TRPC7: variants seen among roughly 807,000 people sequenced by gnomAD.
The protein encoded by TRPC7 is short transient receptor potential channel 7.
In TRPC7, 42 loss-of-function variants were observed where a neutral mutation model predicts 90.1. The ratio of observed to expected loss-of-function variants is 0.47; its 90% CI spans 0.36 to 0.60. The LOEUF (loss-of-function observed/expected upper bound fraction) is 0.60. Among genes scored for constraint, TRPC7 ranks in the 20% least tolerant of loss-of-function variants. The pLI is 0.00. For missense variants in TRPC7, 955 were observed against 1,112.3 expected (o/e 0.86, Z 2.01); for synonymous variants, 451 against 436.3 (o/e 1.03, Z -0.42).
chr5:136,359,793 C>T (rs1049923337), intron 1 of TRPC7, among the ~76,000 whole-genome samples: 1 of 151,984 alleles, frequency 6.6e-6, no homozygotes, highest in Non-Finnish European at 1.5e-5. Context: ...CACACACACA[C>T]ACAGGTAGAA....
intron 3 of TRPC7, among the ~76,000 whole-genome samples, chr5:136,289,244 G>A (rs149043180): frequency 4.9e-4 from 75 of 152,304 alleles, no homozygotes; most frequent in Admixed American, 4.1e-3. Context: ...CGCAGAAGAC[G>A]GGTGACTTCT....
chr5:136,322,534 TG>T (rs1023803857), intron 2 of TRPC7, among the ~76,000 whole-genome samples: 8 of 152,282 alleles, frequency 5.3e-5, no homozygotes, highest in Admixed American at 1.3e-4. Context: ...GTTAATTTAT[TG>T]CCTGTTTTTA....
intron 2 of TRPC7, among the ~76,000 whole-genome samples, chr5:136,331,820 GTCAC>G (rs925614703): frequency 6.6e-6 from 1 of 152,128 alleles, no homozygotes; most frequent in African/African-American, 2.4e-5. Context: ...GTGAGAGCAA[GTCAC>G]TCACTCACCA....
intron 4 of TRPC7, among the ~76,000 whole-genome samples, chr5:136,273,018 A>C (rs574239339): frequency 2.0e-5 from 3 of 152,338 alleles, no homozygotes; most frequent in Admixed American, 6.5e-5. Flanking sequence ...AGGCACTCAG[A>C]GGCAAGCCAG....
intron 7 of TRPC7, among the ~76,000 whole-genome samples, chr5:136,244,166 T>G: frequency 6.8e-6 from 1 of 147,950 alleles, no homozygotes; most frequent in Non-Finnish European, 1.5e-5. Context: ...CCTCCCTCCT[T>G]CCCTCTCTTT....
intron 3 of TRPC7, among the ~76,000 whole-genome samples, chr5:136,280,435 A>G (rs1049788837): frequency 4.6e-5 from 7 of 152,244 alleles, no homozygotes; most frequent in African/African-American, 1.4e-4. Flanking sequence ...TAGGTGCTCA[A>G]TAAACTTCTG....
chr5:136,220,179 T>C (rs970167370), intron 10 of TRPC7, among the ~76,000 whole-genome samples: 5 of 152,220 alleles, frequency 3.3e-5, no homozygotes, highest in Non-Finnish European at 7.4e-5. Flanking sequence ...TTGAACAATA[T>C]GAAATCAGTG....
At chr5:136,255,874 G>T (rs1399410974) in intron 5 of TRPC7, among the ~76,000 whole-genome samples, 1 of 152,142 alleles carries the variant, frequency 6.6e-6, no homozygotes, top group East Asian at 1.9e-4. Flanking sequence ...CAGAAGGTCT[G>T]CCCCTAGAGT....
rs200147476 is a variant in TRPC7 at position 136,350,465 on chromosome 5, C to A, written c.780+6143G>T. Among the ~76,000 whole-genome samples, 3 of 152,322 alleles carry A rather than the reference C, an allele frequency of 2.0e-5. No individual in the cohort carries two copies. The East Asian group carries it at 5.8e-4, about 29-fold the overall frequency. ...CATGACATAGACCCTAGAAGAGAAA[C>A]ATCATCTAATTTTAGGCACTATTTG... On this transcript the variant is annotated intron_variant, in intron 2 of 11. Coordinates refer to ENST00000513104, the MANE Select transcript of TRPC7 (RefSeq NM_020389.3).
At chr5:136,304,578 A>T (rs1038647843) in intron 3 of TRPC7, among the ~76,000 whole-genome samples, 1 of 151,922 alleles carries the variant, frequency 6.6e-6, no homozygotes, top group African/African-American at 2.4e-5. Context: ...TTTCTTTACT[A>T]TTCCTTTGCA....
intron 3 of TRPC7, among the ~76,000 whole-genome samples, chr5:136,292,565 A>G (rs1757997290): frequency 6.6e-6 from 1 of 152,254 alleles, no homozygotes; most frequent in South Asian, 2.1e-4. Flanking sequence ...AAATTCCTTG[A>G]CACATACACC....
At chr5:136,335,561 A>G (rs761624761) in intron 2 of TRPC7, among the ~76,000 whole-genome samples, 3 of 151,994 alleles carry the variant, frequency 2.0e-5, no homozygotes, top group Non-Finnish European at 4.4e-5. Flanking sequence ...GTTTACTGGC[A>G]ACAGTCCCAT....
intron 7 of TRPC7, among the ~76,000 whole-genome samples, chr5:136,232,608 G>A (rs912424262): frequency 2.0e-5 from 3 of 152,202 alleles, no homozygotes; most frequent in Non-Finnish European, 2.9e-5. Context: ...CAGCTTTAAC[G>A]ACACTGCTCT....
intron 5 of TRPC7, among the ~76,000 whole-genome samples, chr5:136,261,291 A>G (rs893550511): frequency 6.6e-6 from 1 of 152,246 alleles, no homozygotes; most frequent in Admixed American, 6.5e-5. Flanking sequence ...ACGGTGCCTG[A>G]TGTATAATAT....
chr5:136,248,619 G>A (rs1756420462), intron 6 of TRPC7, among the ~76,000 whole-genome samples: 1 of 152,192 alleles, frequency 6.6e-6, no homozygotes, highest in South Asian at 2.1e-4. Context: ...GACCAGTCAG[G>A]CAGGTTTGCC....
intron 3 of TRPC7, among the ~76,000 whole-genome samples, chr5:136,286,394 T>G (rs1371733903): frequency 6.6e-6 from 1 of 152,202 alleles, no homozygotes; most frequent in South Asian, 2.1e-4. Flanking sequence ...TTAGACATCT[T>G]CAGTATCTCC....
intron 10 of TRPC7, 28 bp downstream of exon 10, chr5:136,225,246 C>T (rs1199511860): frequency 1.2e-6 from 2 of 1,605,590 alleles, no homozygotes; most frequent in Admixed American, 1.7e-5. Context: ...TCTGCCCATG[C>T]TTGGATGCTT....
At chr5:136,266,457 A>G in intron 4 of TRPC7, 21 bp from the exon 5 acceptor site, 2 of 1,603,844 alleles carry the variant, frequency 1.2e-6, no homozygotes, top group Non-Finnish European at 1.7e-6. Context: ...AATGTGTTCA[A>G]GACATGTTAA....
rs115965220 is a variant in TRPC7, at chr5:136,252,882, C to T, written c.1346-1000G>A. On this transcript the variant is annotated intron_variant, in intron 5 of 11. Coordinates refer to ENST00000513104, the MANE Select transcript of TRPC7 (RefSeq NM_020389.3). ...GCCACAGACTGGTACCAGTTGGCGG[C>T]CCAGGGGTTGGGGACCGCTGCTCTA... 9.3e-3 allele frequency among the ~76,000 whole-genome samples: 1,412 copies of T among 152,352 alleles called. 7 individuals are homozygous for T. Among genetic ancestry groups the T allele is most frequent in the Non-Finnish European group, 0.015 (1,051 of 68,028 alleles).
Sources: gnomAD v4.1 joint callset for allele counts (sites outside exome capture counted in the v4.1 genomes callset) on GRCh38, gnomAD v4.1.1 for gene constraint, MANE v1.5 for transcripts, NCBI Gene and HGNC (gene_info 2026-07-23, HGNC 2026-07-21) for gene names.